The following KCTD21 variants were observed in gnomAD, a reference collection of about 807,000 sequenced individuals.
KCTD21 encodes the protein BTB/POZ domain-containing protein KCTD21.
In KCTD21, 9 loss-of-function variants were observed where a neutral mutation model predicts 13.2. The ratio of observed to expected loss-of-function variants is 0.68; its 90% CI spans 0.41 to 1.19. KCTD21 has a LOEUF of 1.19. Among genes scored for constraint, KCTD21 ranks in the 50% most tolerant of loss-of-function variants. The pLI, the probability that KCTD21 is intolerant of heterozygous loss-of-function variation, is 0.01. For missense variants in KCTD21, 303 were observed against 336.5 expected (o/e 0.90, Z 0.78); for synonymous variants, 142 against 137.4 (o/e 1.03, Z -0.23).
Position 78,174,139 on chromosome 11 carries a change from G to C in KCTD21, c.416C>G (p.Ser139Cys). The change falls in exon 2 of 2, where the codon TCC (serine) becomes TGC (cysteine). Residue 139 changes from serine (S) to cysteine (C), a missense_variant. By Grantham distance (112) the Ser-to-Cys change is moderately radical. Coordinates refer to ENST00000340067, the MANE Select transcript of KCTD21 (RefSeq NM_001029859.3). Reference protein sequence around the residue: ...EAPQIYSLSSSSMEVFNANIF... With the variant: ...EAPQIYSLSSCSMEVFNANIF... ...GTTGGCGTTGAAGACCTCCATGCTG[G>C]AAGAGGAGAGGCTGTAGATCTGGGG... 1 of 1,614,130 alleles carries C rather than the reference G, an allele frequency of 6.2e-7. No individual in the cohort carries two copies. The highest frequency in any genetic ancestry group is 8.5e-7 in the Non-Finnish European group (1 of 1,180,014).
At chr11:78,187,353 C>T in intron 1 of KCTD21, 1 of 985,412 alleles carries the variant, frequency 1.0e-6, no homozygotes, top group Non-Finnish European at 1.2e-6. Context: ...CCGAAGGCTG[C>T]TCTATTACCA....
intron 1 of KCTD21, among the ~76,000 whole-genome samples, chr11:78,184,765 C>T (rs114693533): frequency 0.026 from 3,882 of 149,428 alleles, 81 homozygotes; most frequent in Middle Eastern, 0.082. Context: ...TTTTTTTTTT[C>T]TTGAGACAGG....
rs190016168 is a variant in KCTD21, at chr11:78,184,825, C to G, written c.-30+3748G>C. On this transcript the variant is annotated intron_variant, in intron 1 of 1. Transcript: ENST00000340067. ...AGTGCAGTGGCGCGATCATGGTTCA[C>G]TGCAGCCTTGACATCCCCAGGCTCA... Among the ~76,000 whole-genome samples, 55 of 152,192 alleles carry G rather than the reference C, an allele frequency of 3.6e-4. No individual in the cohort carries two copies. In the East Asian group the frequency reaches 0.01, roughly 28 times the overall value.
rs911961816 is a variant in KCTD21 at position 78,188,569 on chromosome 11, C to T, written c.-30+4G>A. ...CCCCGCGACCCCGGCCGTGCCGCAC[C>T]CACCTCCTGCCCTCGCTCTGCAGCC... On this transcript the variant is annotated splice_donor_region_variant and intron_variant, in intron 1 of 1. Transcript: ENST00000340067. 3.0e-6 allele frequency: 3 copies of T among 985,482 alleles called. No individual in the cohort carries two copies. Among genetic ancestry groups the T allele is most frequent in the Non-Finnish European group, 3.6e-6 (3 of 830,164 alleles). 61.0% of individuals were successfully genotyped at this position (985,482 alleles called of 1,614,324 possible).
chr11:78,174,189 C>T lies in KCTD21; in HGVS notation c.366G>A (p.Thr122=), dbSNP rs199531256. Residue 122 remains threonine, a synonymous_variant, in exon 2 of 2, where the codon ACG becomes ACA. Transcript: ENST00000340067. ...LNITLNQRVQ[T]VHFTVREAPQ... is the part of the protein sequence containing the mutation. ...GTGCCTCGCGCACAGTGAAGTGGAC[C>T]GTCTGCACACGCTGGTTCAGTGTGA... 3.3e-5 allele frequency: 54 copies of T among 1,614,026 alleles called. No homozygotes were observed. The highest frequency in any genetic ancestry group is 1.6e-4 in the Middle Eastern group (1 of 6,062).
Position 78,172,372 on chromosome 11 carries a change from C to T in KCTD21, c.*1400G>A, listed in dbSNP as rs1175053193. On this transcript the variant is annotated 3_prime_UTR_variant, in exon 2 of 2. Transcript: ENST00000340067. ...CTCCTGGGCTCCTTGCTGCACAGCACCCTTGGAGACCGTCTCTTTCCTCTG... is the reference window on the plus strand; with the variant it reads ...CTCCTGGGCTCCTTGCTGCACAGCATCCTTGGAGACCGTCTCTTTCCTCTG... 6.6e-6 allele frequency: 1 copy of T among 152,256 alleles called. No individual in the cohort carries two copies. The highest frequency in any genetic ancestry group is 6.5e-5 in the Admixed American group (1 of 15,282). 9.4% of individuals were successfully genotyped at this position (152,256 alleles called of 1,614,324 possible).
rs910134381 is a variant in KCTD21, at chr11:78,173,370, C to T, written c.*402G>A. 5.8e-6 allele frequency: 1 copy of T among 173,476 alleles called. No individual in the cohort carries two copies. The highest frequency in any genetic ancestry group is 5.4e-5 in the Admixed American group (1 of 18,462). 10.7% of individuals were successfully genotyped at this position (173,476 alleles called of 1,614,324 possible). ...TATGTCCTGGTTAACTGGAGGTAGCCTCTTGTTCTCATCCCATCCTCTCCA... is the reference window on the plus strand; with the variant it reads ...TATGTCCTGGTTAACTGGAGGTAGCTTCTTGTTCTCATCCCATCCTCTCCA... On this transcript the variant is annotated 3_prime_UTR_variant, in exon 2 of 2. Coordinates refer to ENST00000340067, the MANE Select transcript of KCTD21 (RefSeq NM_001029859.3).
At chr11:78,184,367 C>T (rs750261882) in intron 1 of KCTD21, among the ~76,000 whole-genome samples, 1 of 152,020 alleles carries the variant, frequency 6.6e-6, no homozygotes, top group African/African-American at 2.4e-5. Context: ...GATAGAGTCA[C>T]ACTCTGTTGC....
intron 1 of KCTD21, 28 bp downstream of exon 1, chr11:78,188,545 C>A (rs1218549692): frequency 2.0e-6 from 2 of 985,368 alleles, no homozygotes; most frequent in Non-Finnish European, 1.2e-6. Flanking sequence ...GTCCCCGAGC[C>A]CCGCGACCCC....
chr11:78,188,293 T>C, intron 1 of KCTD21: 1 of 913,772 alleles, frequency 1.1e-6, no homozygotes, highest in Non-Finnish European at 1.3e-6. Flanking sequence ...CAAGGACTCC[T>C]CCCACAGTCC....
At chr11:78,178,462 T>TCC (rs375162860) in intron 1 of KCTD21, among the ~76,000 whole-genome samples, 1 of 152,090 alleles carries the variant, frequency 6.6e-6, no homozygotes, top group African/African-American at 2.4e-5. Flanking sequence ...GGCCACAGTG[T>TCC]CCATCATCAC....
In KCTD21 at chr11:78,182,846, G is replaced by C. The variant is rs377525459; in HGVS notation, c.-30+5727C>G. Among the ~76,000 whole-genome samples the C allele has an allele frequency of 1.1e-3, 167 of 152,258 alleles. 5 individuals carry two copies. In the South Asian group the frequency reaches 0.034, roughly 31 times the overall value. ...TGTATACTCATGGCGACCTGGAGTA[G>C]GCAAGAGCTCTTTTCTGTGCAATTT... On this transcript the variant is annotated intron_variant, in intron 1 of 1. Transcript: ENST00000340067.
chr11:78,188,191 C>G (rs1590888015), intron 1 of KCTD21: 1 of 985,260 alleles, frequency 1.0e-6, no homozygotes, highest in East Asian at 1.1e-4. Flanking sequence ...TCGGCTTGTT[C>G]CGCACCCACT....
intron 1 of KCTD21, among the ~76,000 whole-genome samples, chr11:78,179,310 C>T (rs1398892305): frequency 6.6e-6 from 1 of 151,884 alleles, no homozygotes; most frequent in Non-Finnish European, 1.5e-5. Flanking sequence ...GTGGGGATTA[C>T]CACGTCTGCC....
chr11:78,180,775 T>G (rs1345185378), intron 1 of KCTD21, among the ~76,000 whole-genome samples: 1 of 152,212 alleles, frequency 6.6e-6, no homozygotes, highest in Admixed American at 6.5e-5. Context: ...ACATATGGTA[T>G]GGTTTGGCTC....
intron 1 of KCTD21, among the ~76,000 whole-genome samples, chr11:78,179,145 A>T (rs962843377): frequency 6.6e-6 from 1 of 151,562 alleles, no homozygotes; most frequent in Non-Finnish European, 1.5e-5. Flanking sequence ...TCTCACTTTA[A>T]TTCCTGCTTT....
At chr11:78,184,922 G>C (rs545645302) in intron 1 of KCTD21, among the ~76,000 whole-genome samples, 1 of 152,044 alleles carries the variant, frequency 6.6e-6, no homozygotes, top group Non-Finnish European at 1.5e-5. Flanking sequence ...AGTTTTTGTA[G>C]AGATGGGGTT....
At chr11:78,187,093 GGA>G (rs1334927523) in intron 1 of KCTD21, 6 of 985,434 alleles carry the variant, frequency 6.1e-6, no homozygotes, top group South Asian at 4.7e-5. Flanking sequence ...GTAAATGCAA[GGA>G]GAGTTTCCAC....
chr11:78,188,127 C>T (rs944916232), intron 1 of KCTD21: 1 of 985,404 alleles, frequency 1.0e-6, no homozygotes, highest in Non-Finnish European at 1.2e-6. Flanking sequence ...GGGCAAGTTC[C>T]CTGTCATCTG....
Sources: allele counts gnomAD v4.1 joint callset (sites outside exome capture counted in the v4.1 genomes callset), GRCh38; gene constraint gnomAD v4.1.1; transcripts MANE v1.5; gene names NCBI Gene and HGNC (gene_info 2026-07-23, HGNC 2026-07-21).